PPFIBP1: variants seen among roughly 807,000 people sequenced by gnomAD.
PPFIBP1 encodes PPFIB scaffold protein 1.
Under a neutral mutation model 137.8 loss-of-function variants are expected in PPFIBP1, and 112 were observed. The ratio of observed to expected loss-of-function variants is 0.81; its 90% CI spans 0.70 to 0.95. The LOEUF (loss-of-function observed/expected upper bound fraction) is 0.95, where lower values mean the gene tolerates loss of function less well. Ranked by LOEUF, PPFIBP1 falls within the 40% of genes least tolerant of loss-of-function variation. The pLI is 0.00. For missense variants in PPFIBP1, 1,083 were observed against 1,196.6 expected, an observed-to-expected ratio of 0.91 and a Z score of 1.40; for synonymous variants, 378 against 417.3, an observed-to-expected ratio of 0.91 and a Z score of 1.15.
intron 14 of PPFIBP1, among the ~76,000 whole-genome samples, chr12:27,671,992 G>A (rs931412371): frequency 5.3e-5 from 8 of 152,026 alleles, no homozygotes; most frequent in African/African-American, 1.9e-4. Context: ...AATCACATAA[G>A]CCCAGGAAGC....
intron 8 of PPFIBP1, chr12:27,655,339 T>C (rs749745023): frequency 5.8e-4 from 453 of 783,996 alleles, no homozygotes; most frequent in Non-Finnish European, 8.4e-4. Flanking sequence ...ATTCTGTGTG[T>C]GTGTCACCTG....
Position 27,667,171 on chromosome 12 carries a change from G to A in PPFIBP1, c.997G>A (p.Asp333Asn). 1 of 1,573,380 alleles carries A rather than the reference G, an allele frequency of 6.4e-7. No homozygotes were observed. The highest frequency in any genetic ancestry group is 1.4e-5 in the African/African-American group (1 of 73,528). ...VVLAQGKKGK[D>N]GEYEELLNSS... ...TTTGTTTTATCTTTTCCTAGGCAAA[G>A]ATGGAGAATATGAAGAGCTGCTCAA... is the stretch of plus-strand genomic sequence containing the variant. The change falls in exon 13 of 30, where the codon GAT (aspartate) becomes AAT (asparagine). Residue 333 changes from aspartate (D) to asparagine (N), a missense_variant. Coordinates refer to ENST00000228425, the MANE Select transcript of PPFIBP1 (RefSeq NM_003622.4).
At chr12:27,533,591 TA>T (rs1185035991) in intron 1 of PPFIBP1, among the ~76,000 whole-genome samples, 6 of 152,234 alleles carry the variant, frequency 3.9e-5, no homozygotes. Flanking sequence ...TAAAAGCCAG[TA>T]TGAACTGTTA....
At position 27,694,317 on chromosome 12, in the gene PPFIBP1, C is replaced by CA. The variant is rs2140699804; in HGVS notation, c.*1436dup. ...GTGTGAGCCACTCTGCCTGGCCTAC[C>CA]ACTAACTTGAATACATTCAGAATCA... On this transcript the variant is annotated 3_prime_UTR_variant, in exon 30 of 30. Transcript: ENST00000228425. 1 of 152,302 alleles carries CA rather than the reference C, an allele frequency of 6.6e-6. No homozygotes were observed. Among genetic ancestry groups the CA allele is most frequent in the South Asian group, 2.1e-4 (1 of 4,820 alleles). The allele number at this position is 152,302 out of a possible 1,614,324, so 9.4% of individuals were successfully genotyped here.
intron 4 of PPFIBP1, chr12:27,636,414 G>A (rs2057682730): frequency 6.6e-6 from 1 of 151,994 alleles, no homozygotes; most frequent in Admixed American, 6.6e-5. Flanking sequence ...ATATTCCTTA[G>A]TCTATTTCAA....
chr12:27,537,560 C>T (rs1054241128), intron 1 of PPFIBP1, among the ~76,000 whole-genome samples: 3 of 152,118 alleles, frequency 2.0e-5, no homozygotes, highest in African/African-American at 7.2e-5. Context: ...AGTTCTCATC[C>T]TGTGTTCCCG....
chr12:27,533,435 C>T (rs1040196684), intron 1 of PPFIBP1, among the ~76,000 whole-genome samples: 2 of 152,118 alleles, frequency 1.3e-5, no homozygotes, highest in Admixed American at 1.3e-4. Flanking sequence ...GAATCTGAGG[C>T]ACAAGGAGGC....
In PPFIBP1 at chr12:27,561,658, C is replaced by T. The variant is rs143347671; in HGVS notation, c.-123-16494C>T. 3.3e-3 allele frequency among the ~76,000 whole-genome samples: 497 copies of T among 152,244 alleles called. 3 individuals are homozygous for T. Among genetic ancestry groups the T allele is most frequent in the South Asian group, 6.4e-3 (31 of 4,830 alleles). On this transcript the variant is annotated intron_variant, in intron 1 of 29. Transcript: ENST00000228425. The stretch of plus-strand genomic sequence containing the variant: ...CTTCTCTGACCTCTCCTGATCATCT[C>T]AACCTTGTTCAGTTTGCTCCAGCCA...
At chr12:27,546,893 C>T (rs1748115967) in intron 1 of PPFIBP1, among the ~76,000 whole-genome samples, 1 of 151,986 alleles carries the variant, frequency 6.6e-6, no homozygotes, top group Admixed American at 6.6e-5. Flanking sequence ...TCCCAGCTAC[C>T]AGGGAGGATG....
chr12:27,556,269 C>A (rs1363980733), intron 1 of PPFIBP1, among the ~76,000 whole-genome samples: 3 of 152,142 alleles, frequency 2.0e-5, no homozygotes, highest in Non-Finnish European at 2.9e-5. Flanking sequence ...CATTAACATT[C>A]ATTACTGCAT....
intron 6 of PPFIBP1, among the ~76,000 whole-genome samples, chr12:27,648,132 T>C (rs1281265573): frequency 6.6e-6 from 1 of 152,156 alleles, no homozygotes; most frequent in Non-Finnish European, 1.5e-5. Flanking sequence ...TGTTTTATAA[T>C]TAAGAAAAAA....
At chr12:27,592,767 A>G in intron 2 of PPFIBP1, 1 of 834,870 alleles carries the variant, frequency 1.2e-6, no homozygotes, top group East Asian at 2.5e-5. Flanking sequence ...AAAATAAAGA[A>G]TATGTTAGGT....
At chr12:27,627,475 A>G (rs922032259) in intron 2 of PPFIBP1, among the ~76,000 whole-genome samples, 3 of 152,158 alleles carry the variant, frequency 2.0e-5, no homozygotes, top group African/African-American at 7.2e-5. Context: ...AGTGAATTGT[A>G]TCTATCTTGG....
chr12:27,635,553 G>C, intron 4 of PPFIBP1: 1 of 201,906 alleles, frequency 5.0e-6, no homozygotes. Context: ...TTGACCGGAA[G>C]TGCCATCTAG....
intron 2 of PPFIBP1, among the ~76,000 whole-genome samples, chr12:27,625,092 G>A (rs1357793460): frequency 5.3e-5 from 8 of 152,038 alleles, no homozygotes; most frequent in Non-Finnish European, 1.0e-4. Flanking sequence ...GCAACATGGC[G>A]AAACCCTGTC....
chr12:27,682,489 T>C lies in PPFIBP1; in HGVS notation c.2149T>C (p.Trp717Arg). Residue 717 changes from tryptophan to arginine, a missense_variant, in exon 23 of 30, where the codon TGG becomes CGG. Trp to Arg is a moderately radical substitution (Grantham distance 101). Coordinates refer to ENST00000228425, the MANE Select transcript of PPFIBP1 (RefSeq NM_003622.4). ...CAATCATGGGAAGCTGGATTTCAAC[T>C]GGGTCACTAGTAAGAAGTTTTTATT... The part of the protein sequence containing the change: ...ETNHGKLDFN[W>R]VTRWLDDIGL... 6.2e-7 allele frequency: 1 copy of C among 1,613,262 alleles called. No individual in the cohort carries two copies. Among genetic ancestry groups the C allele is most frequent in the South Asian group, 1.1e-5 (1 of 91,028 alleles).
chr12:27,658,712 T>A, intron 9 of PPFIBP1, 104 bp from the exon 10 acceptor site: 1 of 1,270,450 alleles, frequency 7.9e-7, no homozygotes, highest in South Asian at 1.3e-5. Context: ...GAGGTTAGAT[T>A]TCCGTTATTT....
At position 27,671,426 on chromosome 12, in the gene PPFIBP1, T is replaced by TACAG. The variant is rs750963685; in HGVS notation, c.1147-4_1147-1dup. Reference sequence around the variant, plus strand: ...ATTGATTGATTTTTTGTAATTACATTACAGTTCCATACTACCATCTTGCAA... The same window carrying TACAG: ...ATTGATTGATTTTTTGTAATTACATTACAGACAGTTCCATACTACCATCTTGCAA... On this transcript the variant is annotated splice_region_variant and splice_polypyrimidine_tract_variant and intron_variant, in intron 13 of 29. Coordinates refer to ENST00000228425, the MANE Select transcript of PPFIBP1 (RefSeq NM_003622.4). 6.7e-7 allele frequency: 1 copy of TACAG among 1,499,146 alleles called. No individual in the cohort carries two copies. Among genetic ancestry groups the TACAG allele is most frequent in the South Asian group, 1.2e-5 (1 of 81,578 alleles). The allele number at this position is 1,499,146 out of a possible 1,614,324, so 92.9% of individuals were successfully genotyped here. A position where few individuals can be genotyped will look rare whatever the true frequency, so the allele number is the denominator to read the frequency against.
rs183050373 is a variant in PPFIBP1, at chr12:27,618,417, A to G, written c.-35-14945A>G. On this transcript the variant is annotated intron_variant, in intron 2 of 29. Transcript: ENST00000228425. ...TAAAGTCTGATAAGAAACATTGACA[A>G]TCTATTCTCTGAAGCTTCCTACCTG... Among the ~76,000 whole-genome samples the G allele has an allele frequency of 7.2e-5, 11 of 152,306 alleles. No homozygotes were observed. The East Asian group carries it at 2.1e-3, about 29-fold the overall frequency.
Sources: allele counts gnomAD v4.1 joint callset (sites outside exome capture counted in the v4.1 genomes callset), GRCh38; gene constraint gnomAD v4.1.1; transcripts MANE v1.5; gene names NCBI Gene and HGNC (gene_info 2026-07-23, HGNC 2026-07-21).